The following SLIT3 variants were observed in gnomAD, a reference collection of about 807,000 sequenced individuals.
The protein encoded by SLIT3 is slit homolog 3 protein.
SLIT3 carries 68 observed loss-of-function variants against 184.0 expected under a neutral mutation model. The observed-to-expected ratio is 0.37, with a 90% confidence interval of 0.30 to 0.45. SLIT3 has a LOEUF of 0.45. SLIT3 is among the 20% of genes least tolerant of loss of function. The pLI, the probability that SLIT3 is intolerant of heterozygous loss-of-function variation, is 1.00. For synonymous variants in SLIT3, 831 were observed against 828.6 expected (o/e 1.00, Z -0.05); for missense variants, 1,707 against 2,026.0 (o/e 0.84, Z 3.02).
intron 27 of SLIT3, among the ~76,000 whole-genome samples, chr5:168,697,861 C>T (rs1475335439): frequency 6.6e-6 from 1 of 152,092 alleles, no homozygotes; most frequent in Non-Finnish European, 1.5e-5. Context: ...ATGGTGTTGC[C>T]CATTTGTTTT....
rs758403278 is a variant in SLIT3, at chr5:169,116,414, T to C, written c.413+77065A>G. 3.9e-5 allele frequency among the ~76,000 whole-genome samples: 6 copies of C among 152,096 alleles called. No individual in the cohort carries two copies. In the East Asian group the frequency reaches 5.8e-4, roughly 15 times the overall value. On this transcript the variant is annotated intron_variant, in intron 4 of 35. Transcript: ENST00000519560. ...AATGTTAGGACTTCATCATTGGCAATAGGGAGCCTTTAAACATTGGGAGGC... is the reference window on the plus strand; with the variant it reads ...AATGTTAGGACTTCATCATTGGCAACAGGGAGCCTTTAAACATTGGGAGGC...
intron 15 of SLIT3, among the ~76,000 whole-genome samples, chr5:168,761,783 G>T (rs1755157842): frequency 6.6e-6 from 1 of 151,914 alleles, no homozygotes; most frequent in Non-Finnish European, 1.5e-5. Context: ...CTGTGGCCCA[G>T]GCTGGAGTGC....
chr5:169,071,937 C>T (rs1758561978), intron 4 of SLIT3, among the ~76,000 whole-genome samples: 1 of 152,092 alleles, frequency 6.6e-6, no homozygotes, highest in Non-Finnish European at 1.5e-5. Flanking sequence ...CACAGAGAGA[C>T]AGTAGAAGGT....
chr5:169,033,284 A>G (rs1757107740), intron 4 of SLIT3, among the ~76,000 whole-genome samples: 1 of 152,144 alleles, frequency 6.6e-6, no homozygotes. Context: ...CAAAGGCAAG[A>G]TCTTTTTTAG....
chr5:169,223,942 C>A (rs1764703721), intron 3 of SLIT3, among the ~76,000 whole-genome samples: 1 of 152,102 alleles, frequency 6.6e-6, no homozygotes, highest in African/African-American at 2.4e-5. Context: ...TTGTTTCTGC[C>A]TCTAGAGGCT....
At chr5:169,137,273 A>C (rs920342521) in intron 4 of SLIT3, among the ~76,000 whole-genome samples, 1 of 147,958 alleles carries the variant, frequency 6.8e-6, no homozygotes, top group Non-Finnish European at 1.5e-5. Context: ...CTCTCTCTCA[A>C]TTAATCTCCC....
At chr5:169,034,627 G>A (rs2113534166) in intron 4 of SLIT3, among the ~76,000 whole-genome samples, 1 of 152,184 alleles carries the variant, frequency 6.6e-6, no homozygotes, top group African/African-American at 2.4e-5. Flanking sequence ...GCCAAGTGGT[G>A]CCTTGGAATC....
At chr5:168,755,060 C>T (rs559404042) in intron 16 of SLIT3, among the ~76,000 whole-genome samples, 98 of 152,316 alleles carry the variant, frequency 6.4e-4, no homozygotes, top group African/African-American at 2.2e-3. Flanking sequence ...TTCTTATGTG[C>T]TAGGCACCTC....
chr5:169,275,914 A>G (rs1766785368), intron 1 of SLIT3, among the ~76,000 whole-genome samples: 1 of 152,136 alleles, frequency 6.6e-6, no homozygotes, highest in Non-Finnish European at 1.5e-5. Flanking sequence ...TGGACCCTGC[A>G]GCAGATAAGG....
At chr5:169,117,723 T>C (rs1472036857) in intron 4 of SLIT3, among the ~76,000 whole-genome samples, 1 of 152,218 alleles carries the variant, frequency 6.6e-6, no homozygotes, top group East Asian at 1.9e-4. Flanking sequence ...TAACAAACTC[T>C]ATTCCCTGCG....
intron 4 of SLIT3, among the ~76,000 whole-genome samples, chr5:168,900,893 G>A (rs551582953): frequency 1.3e-5 from 2 of 152,316 alleles, no homozygotes; most frequent in East Asian, 3.9e-4. Flanking sequence ...ACTTAGAAGT[G>A]GAAGCTAAAC....
intron 4 of SLIT3, among the ~76,000 whole-genome samples, chr5:168,897,646 G>GCA: frequency 0.012 from 1,239 of 105,416 alleles, 22 homozygotes; most frequent in African/African-American, 0.043. Context: ...ACAGGTGCAC[G>GCA]TACACACACA....
intron 6 of SLIT3, among the ~76,000 whole-genome samples, chr5:168,835,415 T>C (rs1413610881): frequency 6.6e-6 from 1 of 151,888 alleles, no homozygotes; most frequent in African/African-American, 2.4e-5. Context: ...AATCCAAATA[T>C]GACCTTGGAG....
intron 4 of SLIT3, among the ~76,000 whole-genome samples, chr5:169,076,357 C>A (rs942657969): frequency 1.2e-4 from 18 of 152,140 alleles, no homozygotes. Flanking sequence ...ATGTAATGGG[C>A]ATTCAGTAAA....
At chr5:169,011,525 G>A (rs946653487) in intron 4 of SLIT3, among the ~76,000 whole-genome samples, 6 of 152,134 alleles carry the variant, frequency 3.9e-5, no homozygotes, top group Admixed American at 2.6e-4. Flanking sequence ...GAAGAGAGCC[G>A]TGCAAAGAAT....
intron 4 of SLIT3, among the ~76,000 whole-genome samples, chr5:169,019,679 A>G (rs76086198): frequency 0.065 from 9,921 of 152,300 alleles, 1,054 homozygotes; most frequent in African/African-American, 0.22. Context: ...TGGAAAATGC[A>G]GACTCCTGGG....
intron 4 of SLIT3, among the ~76,000 whole-genome samples, chr5:168,930,362 C>T (rs1412240255): frequency 6.6e-6 from 1 of 152,170 alleles, no homozygotes; most frequent in Non-Finnish European, 1.5e-5. Context: ...TATATTCAAG[C>T]AAACAATAAA....
chr5:169,257,112 CCTAGCTTTCTTTGCATGTATGTG>C (rs1377260296), intron 1 of SLIT3, among the ~76,000 whole-genome samples: 2 of 152,148 alleles, frequency 1.3e-5, no homozygotes, highest in African/African-American at 2.4e-5. Context: ...GATTACATTT[CCTAGCTTTCTTTGCATGTATGTG>C]CAACCATGTG....
At chr5:168,718,942 C>T (rs1409536678) in intron 23 of SLIT3, among the ~76,000 whole-genome samples, 2 of 152,226 alleles carry the variant, frequency 1.3e-5, no homozygotes, top group Non-Finnish European at 2.9e-5. Flanking sequence ...AAAGAATATA[C>T]AAATGTTCAA....
Sources: gnomAD v4.1 joint callset for allele counts (sites outside exome capture counted in the v4.1 genomes callset) on GRCh38, gnomAD v4.1.1 for gene constraint, MANE v1.5 for transcripts, NCBI Gene and HGNC (gene_info 2026-07-23, HGNC 2026-07-21) for gene names.